The following SGIP1 variants were observed in gnomAD, a reference collection of about 807,000 sequenced individuals.
The protein encoded by SGIP1 is SH3GL interacting endocytic adaptor 1, also known as SH3-containing GRB2-like protein 3-interacting protein 1.
A neutral mutation model predicts 107.5 loss-of-function variants in SGIP1; 38 were observed. The observed-to-expected ratio is 0.35, with a 90% CI of 0.27 to 0.46. The LOEUF (loss-of-function observed/expected upper bound fraction) is 0.46. Among genes scored for constraint, SGIP1 ranks in the 20% least tolerant of loss-of-function variants. The pLI is 1.00. For synonymous variants in SGIP1, 365 were observed against 366.1 expected (o/e 1.00, Z 0.03); for missense variants, 929 against 1,019.5 (o/e 0.91, Z 1.21).
chr1:66,567,053 A>G (rs1452865079), intron 1 of SGIP1, among the ~76,000 whole-genome samples: 1 of 152,000 alleles, frequency 6.6e-6, no homozygotes, highest in Non-Finnish European at 1.5e-5. Flanking sequence ...ATTCTTTTTC[A>G]TGGTTGCATA....
At chr1:66,565,145 G>A (rs2059470198) in intron 1 of SGIP1, among the ~76,000 whole-genome samples, 1 of 151,950 alleles carries the variant, frequency 6.6e-6, no homozygotes, top group Non-Finnish European at 1.5e-5. Context: ...TGAGTTCCAT[G>A]TCTGGGGAAA....
At chr1:66,739,595 C>A in intron 22 of SGIP1, 58 bp downstream of exon 22, 1 of 1,544,366 alleles carries the variant, frequency 6.5e-7, no homozygotes, top group Non-Finnish European at 8.9e-7. Context: ...AGGTCACAGA[C>A]TCCTTAGCAC....
intron 1 of SGIP1, among the ~76,000 whole-genome samples, chr1:66,584,016 G>T (rs190979300): frequency 2.0e-5 from 3 of 152,168 alleles, no homozygotes; most frequent in Admixed American, 2.0e-4. Flanking sequence ...ATGCATTTGA[G>T]GTAAATTAGT....
At chr1:66,542,325 G>A (rs1189754806) in intron 1 of SGIP1, among the ~76,000 whole-genome samples, 2 of 152,152 alleles carry the variant, frequency 1.3e-5, no homozygotes, top group African/African-American at 4.8e-5. Flanking sequence ...ACAATCTGCT[G>A]TAATAAAAGT....
chr1:66,540,509 A>G (rs2054667792), intron 1 of SGIP1, among the ~76,000 whole-genome samples: 2 of 151,822 alleles, frequency 1.3e-5, no homozygotes, highest in Admixed American at 6.6e-5. Context: ...CTGGTTTATG[A>G]CCAAGCCTGA....
chr1:66,691,354 T>C (rs1481538136), intron 17 of SGIP1, among the ~76,000 whole-genome samples: 1 of 152,192 alleles, frequency 6.6e-6, no homozygotes, highest in Non-Finnish European at 1.5e-5. Flanking sequence ...TTTTCCCAGA[T>C]AAATAAGTTA....
intron 1 of SGIP1, among the ~76,000 whole-genome samples, chr1:66,623,728 T>G (rs2071839084): frequency 6.6e-6 from 1 of 152,240 alleles, no homozygotes; most frequent in African/African-American, 2.4e-5. Flanking sequence ...GGTGTGCAGA[T>G]TCTTTCGTCT....
chr1:66,633,159 C>A, intron 3 of SGIP1, 65 bp downstream of exon 3: 1 of 1,116,510 alleles, frequency 9.0e-7, no homozygotes, highest in South Asian at 1.3e-5. Context: ...TTAAATTTCT[C>A]AAAGCCCTTT....
At chr1:66,684,074 G>A (rs1165092334) in intron 15 of SGIP1, 3 of 1,549,742 alleles carry the variant, frequency 1.9e-6, no homozygotes. Flanking sequence ...ACACCACCCT[G>A]TGGTAGATAC....
chr1:66,583,973 T>G (rs2062182183), intron 1 of SGIP1, among the ~76,000 whole-genome samples: 1 of 152,156 alleles, frequency 6.6e-6, no homozygotes, highest in Admixed American at 6.6e-5. Flanking sequence ...CTGAAGAGTC[T>G]AGTTCCAACA....
At chr1:66,597,019 T>G (rs1390733122) in intron 1 of SGIP1, among the ~76,000 whole-genome samples, 2 of 152,220 alleles carry the variant, frequency 1.3e-5, no homozygotes, top group African/African-American at 4.8e-5. Context: ...TCATCTGGCC[T>G]GACTTATCAA....
At chr1:66,647,254 A>C (rs1281466988) in intron 7 of SGIP1, among the ~76,000 whole-genome samples, 1 of 152,216 alleles carries the variant, frequency 6.6e-6, no homozygotes, top group East Asian at 1.9e-4. Context: ...TACCACTGCA[A>C]GTACTTCCAT....
chr1:66,601,216 T>A (rs1237047773), intron 1 of SGIP1, among the ~76,000 whole-genome samples: 2 of 151,788 alleles, frequency 1.3e-5, no homozygotes, highest in African/African-American at 2.4e-5. Flanking sequence ...ACAAAAAAAA[T>A]TAGCTGGGCG....
chr1:66,631,043 GGAAGAAAGA>G (rs1558136285), intron 2 of SGIP1, among the ~76,000 whole-genome samples: 1 of 114,380 alleles, frequency 8.7e-6, no homozygotes, highest in African/African-American at 3.6e-5. Flanking sequence ...AAGGAAGAAA[GGAAGAAAGA>G]AAGAAAGAAA....
At chr1:66,639,293 T>C (rs1199504668) in intron 4 of SGIP1, among the ~76,000 whole-genome samples, 3 of 152,188 alleles carry the variant, frequency 2.0e-5, no homozygotes, top group African/African-American at 7.2e-5. Context: ...ATCAAGGGGG[T>C]AGTTACAAAA....
At chr1:66,692,745 G>C (rs2090140751) in intron 17 of SGIP1, among the ~76,000 whole-genome samples, 1 of 152,034 alleles carries the variant, frequency 6.6e-6, no homozygotes, top group Admixed American at 6.6e-5. Context: ...ACCAAAATTG[G>C]GGCAAATCTA....
intron 18 of SGIP1, among the ~76,000 whole-genome samples, chr1:66,714,049 CA>C (rs1349304093): frequency 6.6e-6 from 1 of 152,126 alleles, no homozygotes; most frequent in Non-Finnish European, 1.5e-5. Context: ...TCTAATTCAA[CA>C]ACCTCAGTAA....
intron 1 of SGIP1, among the ~76,000 whole-genome samples, chr1:66,586,294 A>G (rs553968008): frequency 6.6e-6 from 1 of 152,228 alleles, no homozygotes; most frequent in Non-Finnish European, 1.5e-5. Flanking sequence ...CCCTTGACCA[A>G]TCTTTATCTT....
At chr1:66,689,367 C>A in intron 16 of SGIP1, 92 bp downstream of exon 16, 1 of 1,467,158 alleles carries the variant, frequency 6.8e-7, no homozygotes, top group Non-Finnish European at 9.2e-7. Context: ...TTAGAGAACT[C>A]GTACAAACAA....
Sources: gnomAD v4.1 joint callset for allele counts (sites outside exome capture counted in the v4.1 genomes callset) on GRCh38, gnomAD v4.1.1 for gene constraint, MANE v1.5 for transcripts, NCBI Gene and HGNC (gene_info 2026-07-23, HGNC 2026-07-21) for gene names.